TRIP11: variants seen among roughly 807,000 people sequenced by gnomAD.
TRIP11 encodes thyroid hormone receptor interactor 11, also known as thyroid receptor-interacting protein 11.
A neutral mutation model predicts 223.1 loss-of-function variants in TRIP11; 148 were observed. The observed-to-expected ratio is 0.66, with a 90% CI of 0.58 to 0.76. The LOEUF is 0.76. Ranked by LOEUF, TRIP11 falls within the 30% of genes least tolerant of loss-of-function variation. The pLI, the probability that TRIP11 is intolerant of heterozygous loss-of-function variation, is 0.00. For synonymous variants in TRIP11, 762 were observed against 772.6 expected (o/e 0.99, Z 0.23); for missense variants, 2,043 against 2,222.0 (o/e 0.92, Z 1.62).
rs1206240994 is a variant in TRIP11 at position 92,005,949 on chromosome 14, T to C, written c.2027A>G (p.Lys676Arg). Residue 676 changes from lysine (K) to arginine (R), a missense_variant, in exon 11 of 21, where the codon AAA (lysine) becomes AGA (arginine). Coordinates refer to ENST00000267622, the MANE Select transcript of TRIP11 (RefSeq NM_004239.4). ...ENLKKVAFDV[K>R]MENEKLVLAC... ...TAAAACTAACTTTTCATTTTCCATT[T>C]TGACATCAAAAGCAACTTTCTTTAA... 1 of 1,613,350 alleles carries C rather than the reference T, an allele frequency of 6.2e-7. No individual in the cohort carries two copies. The highest frequency in any genetic ancestry group is 8.5e-7 in the Non-Finnish European group (1 of 1,179,892).
chr14:92,033,359 G>T, intron 1 of TRIP11, 106 bp from the exon 2 acceptor site: 2 of 875,684 alleles, frequency 2.3e-6, no homozygotes, highest in Non-Finnish European at 3.7e-6. Flanking sequence ...AGAATAGTAG[G>T]CTGATATGAA....
chr14:91,972,497 T>C (rs932092314), intron 20 of TRIP11, among the ~76,000 whole-genome samples: 2 of 152,230 alleles, frequency 1.3e-5, no homozygotes, highest in East Asian at 3.8e-4. Context: ...TCTTACCATT[T>C]AAATTAATCT....
At chr14:91,993,240 G>C (rs2056702085) in intron 15 of TRIP11, among the ~76,000 whole-genome samples, 1 of 151,952 alleles carries the variant, frequency 6.6e-6, no homozygotes, top group African/African-American at 2.4e-5. Flanking sequence ...ACTTTGGGAG[G>C]CTGAGGTGGG....
chr14:92,019,611 T>A (rs575132117), intron 4 of TRIP11, among the ~76,000 whole-genome samples: 8 of 151,708 alleles, frequency 5.3e-5, no homozygotes, highest in African/African-American at 1.9e-4. Flanking sequence ...ACTCATGTAA[T>A]TTTTTTTTAC....
intron 16 of TRIP11, among the ~76,000 whole-genome samples, chr14:91,980,328 T>C (rs2056521584): frequency 6.6e-6 from 1 of 152,186 alleles, no homozygotes; most frequent in African/African-American, 2.4e-5. Context: ...GTCATTTGGA[T>C]ATTTCATGAG....
intron 19 of TRIP11, among the ~76,000 whole-genome samples, chr14:91,973,717 G>A (rs890959705): frequency 2.0e-5 from 3 of 151,844 alleles, no homozygotes; most frequent in Non-Finnish European, 4.4e-5. Context: ...CCTATCCTTC[G>A]TGTCCTCTTT....
At position 92,037,587 on chromosome 14, in the gene TRIP11, T is replaced by C. The variant is rs144009149; in HGVS notation, c.139+1960A>G. Reference sequence around the variant, plus strand: ...TGGTATGGCAACTAGAAAAGGTACATTGAAGGTCGGGTGCGGTGGCTCACG... The same window carrying C: ...TGGTATGGCAACTAGAAAAGGTACACTGAAGGTCGGGTGCGGTGGCTCACG... On this transcript the variant is annotated intron_variant, in intron 1 of 20. Coordinates refer to ENST00000267622, the MANE Select transcript of TRIP11 (RefSeq NM_004239.4). The surrounding 1 kb of genome is among the most constrained non-coding windows in gnomAD (Gnocchi z 4.2). Among the ~76,000 whole-genome samples the C allele has an allele frequency of 3.0e-4, 46 of 152,310 alleles. No individual in the cohort carries two copies. The highest frequency in any genetic ancestry group is 6.8e-3 in the Middle Eastern group (2 of 294).
At chr14:91,986,279 A>G (rs1566848421) in intron 16 of TRIP11, among the ~76,000 whole-genome samples, 1 of 152,210 alleles carries the variant, frequency 6.6e-6, no homozygotes, top group Non-Finnish European at 1.5e-5. Context: ...AAAAAGTACT[A>G]AATACAGGTT....
chr14:92,012,428 T>G (rs1222072235), intron 7 of TRIP11, among the ~76,000 whole-genome samples: 1 of 152,164 alleles, frequency 6.6e-6, no homozygotes, highest in East Asian at 1.9e-4. Context: ...CTCGAAGAGC[T>G]TACAATTCAG....
At position 92,004,426 on chromosome 14, in the gene TRIP11, A is replaced by G. The variant is rs2056870558; in HGVS notation, c.3550T>C (p.Leu1184=). Reference sequence around the variant, plus strand: ...GTGCTGGATGTTTGTAAAACTGCCAATAAAGTCTGACATTTCTGACTTAGT... The same window carrying G: ...GTGCTGGATGTTTGTAAAACTGCCAGTAAAGTCTGACATTTCTGACTTAGT... ...DALSQKCQTL[L]AVLQTSSTGN... Residue 1184 remains leucine, a synonymous_variant, in exon 11 of 21, where the codon TTG becomes CTG. Transcript: ENST00000267622. 1.2e-5 allele frequency: 19 copies of G among 1,614,004 alleles called. No homozygotes were observed. Among genetic ancestry groups the G allele is most frequent in the Non-Finnish European group, 1.6e-5 (19 of 1,180,038 alleles).
At chr14:92,008,594 C>T (rs2056934191) in intron 9 of TRIP11, among the ~76,000 whole-genome samples, 1 of 152,186 alleles carries the variant, frequency 6.6e-6, no homozygotes, top group East Asian at 1.9e-4. Flanking sequence ...GTTCTCTATG[C>T]TTCAACATTA....
chr14:92,010,452 C>A (rs1427475929), intron 9 of TRIP11, among the ~76,000 whole-genome samples: 1 of 152,110 alleles, frequency 6.6e-6, no homozygotes, highest in Non-Finnish European at 1.5e-5. Flanking sequence ...ATCGCTTGAA[C>A]CCGGGAGGCG....
At chr14:92,036,947 C>A (rs2057331640) in intron 1 of TRIP11, among the ~76,000 whole-genome samples, 1 of 152,164 alleles carries the variant, frequency 6.6e-6, no homozygotes, top group Non-Finnish European at 1.5e-5. Context: ...CCAGGCTAGT[C>A]CTCAACTCCT....
At position 92,005,482 on chromosome 14, in the gene TRIP11, C is replaced by T. The variant is rs374243914; in HGVS notation, c.2494G>A (p.Asp832Asn). ...TTTCTTAAGGCCTGAGAATATTTAT[C>T]CAATTCCTCCTGCAGCTTTGAACTT... is the stretch of plus-strand genomic sequence containing the variant. Reference protein sequence around the residue: ...ERSSKLQEELDKYSQALRKNE... With the variant: ...ERSSKLQEELNKYSQALRKNE... Residue 832 changes from aspartate (D) to asparagine (N), a missense_variant, in exon 11 of 21, where the codon GAT becomes AAT. Coordinates refer to ENST00000267622, the MANE Select transcript of TRIP11 (RefSeq NM_004239.4). 1.0e-4 allele frequency: 166 copies of T among 1,613,872 alleles called. No individual in the cohort carries two copies. The highest frequency in any genetic ancestry group is 1.4e-4 in the Non-Finnish European group (163 of 1,180,014).
In TRIP11 at chr14:92,017,757, CAGAAAAAGAGAATT is replaced by C. The variant is rs776186290; in HGVS notation, c.589-21_589-8del. On this transcript the variant is annotated splice_polypyrimidine_tract_variant and splice_region_variant and intron_variant, in intron 4 of 20. Transcript: ENST00000267622. ...TTCCTTGTGCTTTGGAAGTCTAGAT[CAGAAAAAGAGAATT>C]AGTAAATAATTATACTGATTTTCTT... 6.2e-7 allele frequency: 1 copy of C among 1,609,950 alleles called. No individual in the cohort carries two copies. The highest frequency in any genetic ancestry group is 8.5e-7 in the Non-Finnish European group (1 of 1,177,154).
At chr14:92,006,928 A>C (rs774164349) in intron 10 of TRIP11, among the ~76,000 whole-genome samples, 1 of 152,108 alleles carries the variant, frequency 6.6e-6, no homozygotes, top group Non-Finnish European at 1.5e-5. Context: ...TCAGCCTCCC[A>C]AAGTGTTGGG....
In TRIP11 at chr14:91,976,201, T is replaced by G; in HGVS notation, c.5261-12A>C. 1 of 1,609,630 alleles carries G rather than the reference T, an allele frequency of 6.2e-7. No individual in the cohort carries two copies. Among genetic ancestry groups the G allele is most frequent in the Non-Finnish European group, 8.5e-7 (1 of 1,178,366 alleles). Reference sequence around the variant, plus strand: ...TTGTCGGAGCTCATCTGTTGTAAAATATGTGAATAAAGATAGCCATTAACT... The same window carrying G: ...TTGTCGGAGCTCATCTGTTGTAAAAGATGTGAATAAAGATAGCCATTAACT... On this transcript the variant is annotated splice_polypyrimidine_tract_variant and intron_variant, in intron 16 of 20. Transcript: ENST00000267622.
At position 92,008,177 on chromosome 14, in the gene TRIP11, C is replaced by T. The variant is rs190175000; in HGVS notation, c.1315-325G>A. Among the ~76,000 whole-genome samples, 4 of 152,240 alleles carry T rather than the reference C, an allele frequency of 2.6e-5. No homozygotes were observed. The East Asian group carries it at 7.7e-4, about 29-fold the overall frequency. ...TCCTATCCTGCTCCACCGTGGCTAC[C>T]CTTTATCCATCCCCTGGCCCCACCT... is the stretch of plus-strand genomic sequence containing the variant. On this transcript the variant is annotated intron_variant, in intron 9 of 20. Coordinates refer to ENST00000267622, the MANE Select transcript of TRIP11 (RefSeq NM_004239.4).
intron 16 of TRIP11, among the ~76,000 whole-genome samples, chr14:91,984,317 C>CTTTTTTT (rs138601782): frequency 1.6e-5 from 2 of 127,910 alleles, no homozygotes; most frequent in African/African-American, 3.0e-5. Flanking sequence ...TTTTTCTTTT[C>CTTTTTTT]TTTTTTTTTT....
Sources: gnomAD v4.1 joint callset for allele counts (sites outside exome capture counted in the v4.1 genomes callset) on GRCh38, gnomAD v4.1.1 for gene constraint, Gnocchi (gnomAD v3.1) non-coding constraint, MANE v1.5 for transcripts, NCBI Gene and HGNC (gene_info 2026-07-23, HGNC 2026-07-21) for gene names.